PLAC1: variants seen among roughly 807,000 people sequenced by gnomAD.
The protein encoded by PLAC1 is placenta-specific protein 1.
For missense variants in PLAC1, 136 were observed against 163.2 expected (o/e 0.83, Z 0.91); for synonymous variants, 68 against 62.1 (o/e 1.09, Z -0.44).
At chrX:134,573,551 C>G (rs1296951018) in intron 2 of PLAC1, among the ~76,000 whole-genome samples, 14 of 111,413 alleles carry the variant, frequency 1.3e-4, no homozygotes. Flanking sequence ...AGGATTGAAT[C>G]AGATGTTCCT....
chrX:134,671,956 T>C (rs144691500), intron 2 of PLAC1, among the ~76,000 whole-genome samples: 380 of 111,607 alleles, frequency 3.4e-3, no homozygotes, highest in African/African-American at 0.012. Context: ...GTGATAGAGC[T>C]GGGTGGAGAA....
At chrX:134,726,821 C>CAAAAAAAAA (rs749819041) in intron 2 of PLAC1, among the ~76,000 whole-genome samples, 1 of 42,816 alleles carries the variant, frequency 2.3e-5, no homozygotes, top group African/African-American at 1.1e-4. Flanking sequence ...GACTCTGTCT[C>CAAAAAAAAA]AAAAAAAAAA....
intron 2 of PLAC1, among the ~76,000 whole-genome samples, chrX:134,574,465 C>A (rs1469024391): frequency 8.9e-6 from 1 of 111,752 alleles, no homozygotes; most frequent in Non-Finnish European, 1.9e-5. Context: ...AGCAGTAGAG[C>A]CTTTCTATAA....
intron 2 of PLAC1, among the ~76,000 whole-genome samples, chrX:134,679,622 A>C (rs1238271198): frequency 8.9e-6 from 1 of 111,772 alleles, no homozygotes; most frequent in Non-Finnish European, 1.9e-5. Context: ...ATGTGTGGTA[A>C]TAATTTGTAA....
chrX:134,670,902 G>A (rs1280395483), intron 2 of PLAC1, among the ~76,000 whole-genome samples: 2 of 112,372 alleles, frequency 1.8e-5, no homozygotes, highest in Admixed American at 9.4e-5. Context: ...CATATGGTGA[G>A]CAGTTGGGGA....
intron 1 of PLAC1, among the ~76,000 whole-genome samples, chrX:134,736,095 G>C (rs1345520869): frequency 1.8e-5 from 2 of 110,437 alleles, no homozygotes; most frequent in Non-Finnish European, 3.8e-5. Flanking sequence ...GGCCAACATG[G>C]TGAAACCCTG....
chrX:134,672,799 C>T (rs1259303972), intron 2 of PLAC1, among the ~76,000 whole-genome samples: 1 of 112,611 alleles, frequency 8.9e-6, no homozygotes, highest in Admixed American at 9.4e-5. Flanking sequence ...AATAGGCAAC[C>T]GGCTGGTGGG....
chrX:134,676,317 C>A (rs1024714497), intron 2 of PLAC1, among the ~76,000 whole-genome samples: 1 of 111,276 alleles, frequency 9.0e-6, no homozygotes, highest in Non-Finnish European at 1.9e-5. Context: ...GCCTGGTGCA[C>A]TTTTTGTGAC....
At chrX:134,734,283 T>C (rs887847804) in intron 1 of PLAC1, among the ~76,000 whole-genome samples, 1 of 113,102 alleles carries the variant, frequency 8.8e-6, no homozygotes, top group Non-Finnish European at 1.9e-5. Flanking sequence ...CCTCAGTCCA[T>C]TGGCAATGAC....
At chrX:134,587,581 A>G (rs1277085365) in intron 2 of PLAC1, among the ~76,000 whole-genome samples, 1 of 103,904 alleles carries the variant, frequency 9.6e-6, no homozygotes, top group Non-Finnish European at 2.0e-5. Context: ...ACCCTGTTTC[A>G]AAAAAAAAAG....
rs192177184 is a variant in PLAC1 at position 134,664,139 on chromosome X, G to C, written n.175-62017C>G. Among the ~76,000 whole-genome samples, 205 of 111,392 alleles carry C rather than the reference G, an allele frequency of 1.8e-3. 4 individuals carry two copies. The highest frequency in any genetic ancestry group is 0.013 in the Admixed American group (135 of 10,528). ...TAGAACAGAGGCTCTCAAACTTAAG[G>C]GTGCCTCAGAATCACCTGGAGGGCC... On this transcript the variant is annotated intron_variant and non_coding_transcript_variant, in intron 2 of 2. Coordinates refer to the PLAC1 transcript ENST00000466797.
At chrX:134,759,559 T>C (rs775088652) in intron 1 of PLAC1, among the ~76,000 whole-genome samples, 59 of 111,261 alleles carry the variant, frequency 5.3e-4, no homozygotes, top group African/African-American at 1.6e-3. Flanking sequence ...GATCTAACAA[T>C]CCCATGTATC....
intron 1 of PLAC1, among the ~76,000 whole-genome samples, chrX:134,753,735 T>G (rs887545501): frequency 4.5e-5 from 5 of 111,596 alleles, no homozygotes; most frequent in Admixed American, 9.6e-5. Flanking sequence ...AAACTGTTAT[T>G]TGTTTAATAA....
chrX:134,687,815 CATATATAT>C (rs56675396), intron 2 of PLAC1, among the ~76,000 whole-genome samples: 1,352 of 30,987 alleles, frequency 0.044, 47 homozygotes, highest in African/African-American at 0.053. Flanking sequence ...ACTGAGATAA[CATATATAT>C]ATATATATAT....
At chrX:134,601,673 C>T (rs2078090157) in intron 2 of PLAC1, 1 of 112,287 alleles carries the variant, frequency 8.9e-6, no homozygotes, top group Admixed American at 9.5e-5. Context: ...GTTAAAAATG[C>T]AAATGAAATA....
intron 1 of PLAC1, among the ~76,000 whole-genome samples, chrX:134,626,113 TCA>T (rs1872951032): frequency 9.0e-6 from 1 of 111,707 alleles, no homozygotes; most frequent in African/African-American, 3.3e-5. Context: ...AAAAGTGCTT[TCA>T]CACACGTTCC....
chrX:134,566,669 T>C lies in PLAC1; in HGVS notation c.14A>G (p.Lys5Arg). 8.4e-7 allele frequency: 1 copy of C among 1,188,927 alleles called. No homozygotes were observed. Among genetic ancestry groups the C allele is most frequent in the Non-Finnish European group, 1.1e-6 (1 of 880,287 alleles). The change falls in exon 3 of 3, where the codon AAG becomes AGG. Residue 5 changes from lysine (K) to arginine (R), a missense_variant. Transcript: ENST00000359237. ...GAGGAGGATCATCAGTCCTATGAAC[T>C]TAAAAACTTTCATCCCTGCAGCCAA... Reference protein sequence around the residue: MKVFKFIGLMILLTS... With the variant: MKVFRFIGLMILLTS...
chrX:134,731,788 T>G (rs1048088631), intron 2 of PLAC1, among the ~76,000 whole-genome samples: 1 of 111,916 alleles, frequency 8.9e-6, no homozygotes, highest in Middle Eastern at 4.6e-3. Context: ...ATCTACACTA[T>G]GAGTTCTTAT....
intron 2 of PLAC1, among the ~76,000 whole-genome samples, chrX:134,584,576 G>A (rs1317089488): frequency 3.7e-5 from 4 of 109,494 alleles, no homozygotes; most frequent in Non-Finnish European, 7.6e-5. Context: ...GCTTTTTCTG[G>A]GCAACATTTT....
Sources: gnomAD v4.1 joint callset for allele counts (sites outside exome capture counted in the v4.1 genomes callset) on GRCh38, gnomAD v4.1.1 for gene constraint, MANE v1.5 for transcripts, NCBI Gene and HGNC (gene_info 2026-07-23, HGNC 2026-07-21) for gene names.